ZFP37: variants seen among roughly 807,000 people sequenced by gnomAD.
The protein encoded by ZFP37 is ZFP37 zinc finger protein.
In ZFP37, 38 loss-of-function variants were observed where a neutral mutation model predicts 52.1. The ratio of observed to expected loss-of-function variants is 0.73; its 90% CI spans 0.56 to 0.96. The LOEUF is 0.96. Ranked by LOEUF, ZFP37 falls within the 40% of genes least tolerant of loss-of-function variation. The pLI, the probability that ZFP37 is intolerant of heterozygous loss-of-function variation, is 0.00. For missense variants in ZFP37, 695 were observed against 741.4 expected (o/e 0.94, Z 0.73); for synonymous variants, 253 against 259.5 (o/e 0.98, Z 0.24).
At chr9:113,046,282 C>CTA (rs990272154) in intron 3 of ZFP37, among the ~76,000 whole-genome samples, 9 of 148,448 alleles carry the variant, frequency 6.1e-5, no homozygotes, top group Non-Finnish European at 1.3e-4. Flanking sequence ...AGATATATAT[C>CTA]TATATATATA....
intron 3 of ZFP37, among the ~76,000 whole-genome samples, chr9:113,048,318 C>T (rs146423695): frequency 9.2e-5 from 14 of 152,134 alleles, no homozygotes; most frequent in Admixed American, 2.6e-4. Flanking sequence ...TAACTCAGGG[C>T]AGGAGCATCA....
chr9:113,043,767 T>C lies in ZFP37; in HGVS notation c.851A>G (p.Glu284Gly). Reference sequence around the variant, plus strand: ...GGGTTTCACACAAGCTTGAGGTTTTTCATGCTTAGTAGATGAGCTAAGGCT... The same window carrying C: ...GGGTTTCACACAAGCTTGAGGTTTTCCATGCTTAGTAGATGAGCTAAGGCT... ...SPSLSSSTKH[E>G]KPQACVKPYE... The change falls in exon 4 of 4, where the codon GAA becomes GGA. Residue 284 changes from glutamate (E) to glycine (G), a missense_variant. Glu to Gly is a moderately conservative substitution (Grantham distance 98). Transcript: ENST00000374227. 1 of 1,614,058 alleles carries C rather than the reference T, an allele frequency of 6.2e-7. No individual in the cohort carries two copies.
intron 3 of ZFP37, among the ~76,000 whole-genome samples, chr9:113,044,598 G>A (rs554291028): frequency 1.5e-3 from 233 of 152,186 alleles, no homozygotes; most frequent in African/African-American, 5.4e-3. Context: ...GATACTTTTT[G>A]AGGTTTCTTA....
rs537581856 is a variant in ZFP37, at chr9:113,040,373, T to C, written c.*2352A>G. The C allele has an allele frequency of 6.6e-6, 1 of 152,238 alleles. No individual in the cohort carries two copies. Among genetic ancestry groups the C allele is most frequent in the Non-Finnish European group, 1.5e-5 (1 of 68,038 alleles). The allele number at this position is 152,238 out of a possible 1,614,324, so 9.4% of individuals were successfully genotyped here. A position where few individuals can be genotyped will look rare whatever the true frequency, so the allele number is the denominator to read the frequency against. On this transcript the variant is annotated 3_prime_UTR_variant, in exon 4 of 4. Coordinates refer to ENST00000374227, the MANE Select transcript of ZFP37 (RefSeq NM_003408.3). ...ATGACTCATTCTGTGCATAGTGCTATATTTCCACTTGTTAAGAAATTACTG... is the reference window on the plus strand; with the variant it reads ...ATGACTCATTCTGTGCATAGTGCTACATTTCCACTTGTTAAGAAATTACTG...
chr9:113,053,355 C>A (rs1216969096), intron 1 of ZFP37, among the ~76,000 whole-genome samples: 1 of 152,178 alleles, frequency 6.6e-6, no homozygotes, highest in African/African-American at 2.4e-5. Flanking sequence ...TGATTCTCTT[C>A]TTCTCCACTG....
chr9:113,052,520 A>C lies in ZFP37; in HGVS notation c.133-2648T>G, dbSNP rs906278821. Among the ~76,000 whole-genome samples the C allele has an allele frequency of 1.3e-5, 2 of 152,180 alleles. No homozygotes were observed. Among genetic ancestry groups the C allele is most frequent in the South Asian group, 4.1e-4 (2 of 4,826 alleles). On this transcript the variant is annotated intron_variant, in intron 1 of 3. Transcript: ENST00000374227. This position sits in a 1 kb window ranked among gnomAD's most constrained non-coding sequence, Gnocchi z 4.1. ...AAAGTCAGTTAATCAGCATGAGGTA[A>C]AGTCCACAGGACACCAGGCACCAGC... is the stretch of plus-strand genomic sequence containing the variant.
At chr9:113,046,936 G>C (rs1276487414) in intron 3 of ZFP37, among the ~76,000 whole-genome samples, 1 of 151,982 alleles carries the variant, frequency 6.6e-6, no homozygotes, top group Non-Finnish European at 1.5e-5. Context: ...GTGAAACCCC[G>C]TCTCTACCAA....
At position 113,042,986 on chromosome 9, in the gene ZFP37, C is replaced by G; in HGVS notation, c.1632G>C (p.Pro544=). The G allele has an allele frequency of 1.2e-6, 2 of 1,613,416 alleles. No homozygotes were observed. The highest frequency in any genetic ancestry group is 1.7e-6 in the Non-Finnish European group (2 of 1,179,780). The change falls in exon 4 of 4, where the codon CCG becomes CCC. Residue 544 remains proline (P), a synonymous_variant. Transcript: ENST00000374227. ...QHQRVHTGEK[P]YECNECGKAF... The stretch of plus-strand genomic sequence containing the variant: ...CTTTCCCACATTCATTACACTCATA[C>G]GGTTTCTCTCCAGTATGAACTCTCT...
chr9:113,049,995 T>C, intron 1 of ZFP37, 123 bp from the exon 2 acceptor site: 1 of 1,441,394 alleles, frequency 6.9e-7, no homozygotes, highest in African/African-American at 1.4e-5. Context: ...AATTTGTTCT[T>C]ACCTTGACTA....
chr9:113,051,270 A>AG (rs1202158515), intron 1 of ZFP37, among the ~76,000 whole-genome samples: 1 of 152,126 alleles, frequency 6.6e-6, no homozygotes, highest in Non-Finnish European at 1.5e-5. Flanking sequence ...AACCCTAACT[A>AG]GGGGGGTGGG....
intron 1 of ZFP37, among the ~76,000 whole-genome samples, chr9:113,055,477 T>C (rs1201206433): frequency 3.3e-5 from 5 of 152,210 alleles, no homozygotes; most frequent in Non-Finnish European, 7.3e-5. Context: ...TCTCCAGCAT[T>C]TAAAACATTC....
In ZFP37 at chr9:113,043,383, T is replaced by C; in HGVS notation, c.1235A>G (p.Lys412Arg). ...EKPYECKECG[K>R]SFRYNSSLTE... ...AAGAGATGAGTTATACCTAAAAGAC[T>C]TCCCACATTCCTTACATTCATATGG... The change falls in exon 4 of 4, where the codon AAG (lysine) becomes AGG (arginine). Residue 412 changes from lysine (K) to arginine (R), a missense_variant. Physicochemically the swap from Lys to Arg is conservative, Grantham distance 26 (BLOSUM62 2). This residue lies in a region of ZFP37 where 326 missense variants were observed against 400.5 expected (regional missense o/e 0.81). Transcript: ENST00000374227. 1 of 1,614,158 alleles carries C rather than the reference T, an allele frequency of 6.2e-7. No individual in the cohort carries two copies. Among genetic ancestry groups the C allele is most frequent in the Non-Finnish European group, 8.5e-7 (1 of 1,179,986 alleles).
Position 113,052,551 on chromosome 9 carries a change from T to C in ZFP37, c.133-2679A>G, listed in dbSNP as rs1415468520. ...ACAGGACACCAGGCACCAGCATCCA[T>C]GAGTCCTCTCCCAGTGAAGTCATAT... On this transcript the variant is annotated intron_variant, in intron 1 of 3. Transcript: ENST00000374227. The surrounding 1 kb of genome is among the most constrained non-coding windows in gnomAD (Gnocchi z 4.1). Among the ~76,000 whole-genome samples the C allele has an allele frequency of 6.6e-6, 1 of 152,188 alleles. No homozygotes were observed. Among genetic ancestry groups the C allele is most frequent in the Non-Finnish European group, 1.5e-5 (1 of 68,020 alleles).
Position 113,043,812 on chromosome 9 carries a change from T to C in ZFP37, c.806A>G (p.Glu269Gly). The C allele has an allele frequency of 1.9e-6, 3 of 1,614,066 alleles. No homozygotes were observed. The highest frequency in any genetic ancestry group is 2.5e-6 in the Non-Finnish European group (3 of 1,179,976). ...AAGGCTGGGTGATTTCTCATGTTTC[T>C]CTCCAGTTTGAATTTTGTCCTGTTT... ...HIKQDKIQTGEKHEKSPSLSS... is the reference protein window; with the variant it reads ...HIKQDKIQTGGKHEKSPSLSS... Residue 269 changes from glutamate to glycine, a missense_variant, in exon 4 of 4, where the codon GAG (glutamate) becomes GGG (glycine). Around this residue, in one of 2 missense-constraint regions of ZFP37, gnomAD observed 369 missense variants for 340.9 expected, o/e 1.08. Transcript: ENST00000374227.
intron 1 of ZFP37, 103 bp downstream of exon 1, chr9:113,056,454 C>T: frequency 6.5e-7 from 1 of 1,535,760 alleles, no homozygotes; most frequent in Non-Finnish European, 8.8e-7. Flanking sequence ...GCATCGATTC[C>T]ACCAATTCCC....
At position 113,043,979 on chromosome 9, in the gene ZFP37, G is replaced by C. The variant is rs752676317; in HGVS notation, c.639C>G (p.Asn213Lys). Residue 213 changes from asparagine to lysine, a missense_variant, in exon 4 of 4, where the codon AAC becomes AAG. Asn to Lys is a moderately conservative substitution (Grantham distance 94). Around this residue, in one of 2 missense-constraint regions of ZFP37, gnomAD observed 369 missense variants for 340.9 expected, o/e 1.08. Transcript: ENST00000374227. ...CTTTCCTTGTATCAGATAAGCTATGGTTGAATGACTTCTTGTGTTCTTTAG... is the reference window on the plus strand; with the variant it reads ...CTTTCCTTGTATCAGATAAGCTATGCTTGAATGACTTCTTGTGTTCTTTAG... Reference protein sequence around the residue: ...DAAKEHKKSFNHSLSDTRKGK... With the variant: ...DAAKEHKKSFKHSLSDTRKGK... The C allele has an allele frequency of 9.9e-6, 16 of 1,613,852 alleles. No individual in the cohort carries two copies. Among genetic ancestry groups the C allele is most frequent in the Non-Finnish European group, 1.4e-5 (16 of 1,179,930 alleles).
rs1006653701 is a variant in ZFP37, at chr9:113,040,528, G to A, written c.*2197C>T. The A allele has an allele frequency of 9.2e-5, 14 of 152,184 alleles. No individual in the cohort carries two copies. The highest frequency in any genetic ancestry group is 2.9e-4 in the African/African-American group (12 of 41,430). The allele number at this position is 152,184 out of a possible 1,614,324, so 9.4% of individuals were successfully genotyped here. On this transcript the variant is annotated 3_prime_UTR_variant, in exon 4 of 4. Coordinates refer to ENST00000374227, the MANE Select transcript of ZFP37 (RefSeq NM_003408.3). ...TGCATGTGTGCACATGCACATACAC[G>A]AACACATATTCCATTCTCAATATAT...
Position 113,041,693 on chromosome 9 carries a change from T to C in ZFP37, c.*1032A>G, listed in dbSNP as rs1310714592. 2 of 152,240 alleles carry C rather than the reference T, an allele frequency of 1.3e-5. No homozygotes were observed. Among genetic ancestry groups the C allele is most frequent in the African/African-American group, 4.8e-5 (2 of 41,462 alleles). The allele number at this position is 152,240 out of a possible 1,614,324, so 9.4% of individuals were successfully genotyped here. A position where few individuals can be genotyped will look rare whatever the true frequency, so the allele number is the denominator to read the frequency against. On this transcript the variant is annotated 3_prime_UTR_variant, in exon 4 of 4. Transcript: ENST00000374227. ...ATTCAACATCAAGTTTCATACTATA[T>C]ACTTTAGATTCATCATCATTCATGA...
chr9:113,044,357 G>A, intron 3 of ZFP37, 89 bp from the exon 4 acceptor site: 2 of 1,245,022 alleles, frequency 1.6e-6, no homozygotes, highest in East Asian at 2.5e-5. Context: ...CTGTTGTAGG[G>A]TTAAATTTTT....
Sources: allele counts gnomAD v4.1 joint callset (sites outside exome capture counted in the v4.1 genomes callset), GRCh38; gene constraint gnomAD v4.1.1; regional missense constraint gnomAD v4.1.1; non-coding constraint Gnocchi (gnomAD v3.1); transcripts MANE v1.5; gene names NCBI Gene and HGNC (gene_info 2026-07-23, HGNC 2026-07-21).